The following BMPR1A variants were observed in gnomAD, a reference collection of about 807,000 sequenced individuals.
BMPR1A encodes the protein bone morphogenetic protein receptor type 1A.
In BMPR1A, 7 loss-of-function variants were observed where a neutral mutation model predicts 66.0. The observed-to-expected ratio is 0.11, with a 90% CI of 0.06 to 0.20. BMPR1A has a LOEUF of 0.20. Among genes scored for constraint, BMPR1A ranks in the 10% least tolerant of loss-of-function variants. BMPR1A has a pLI of 1.00. For missense variants in BMPR1A, 408 were observed against 669.1 expected, an observed-to-expected ratio of 0.61 and a Z score of 4.31; for synonymous variants, 200 against 229.7, an observed-to-expected ratio of 0.87 and a Z score of 1.17.
At chr10:86,845,842 A>G (rs1481196781) in intron 2 of BMPR1A, among the ~76,000 whole-genome samples, 1 of 151,884 alleles carries the variant, frequency 6.6e-6, no homozygotes, top group Non-Finnish European at 1.5e-5. Flanking sequence ...CTAAAAATAC[A>G]AAAAATTAGC....
At chr10:86,895,951 T>G (rs1195002690) in intron 5 of BMPR1A, among the ~76,000 whole-genome samples, 1 of 151,978 alleles carries the variant, frequency 6.6e-6, no homozygotes, top group Non-Finnish European at 1.5e-5. Context: ...GTCAGGAGTT[T>G]CAGACTAGCC....
At chr10:86,810,959 C>A (rs976106019) in intron 1 of BMPR1A, among the ~76,000 whole-genome samples, 1 of 152,200 alleles carries the variant, frequency 6.6e-6, no homozygotes, top group East Asian at 1.9e-4. Flanking sequence ...GTTGGTCGGG[C>A]GGGTCTTAAA....
At chr10:86,784,330 A>T (rs897966288) in intron 1 of BMPR1A, among the ~76,000 whole-genome samples, 1 of 152,040 alleles carries the variant, frequency 6.6e-6, no homozygotes, top group Non-Finnish European at 1.5e-5. Context: ...ATTTTGTCAG[A>T]TGCTTTTTCT....
At chr10:86,807,256 C>T (rs996854479) in intron 1 of BMPR1A, among the ~76,000 whole-genome samples, 3 of 152,186 alleles carry the variant, frequency 2.0e-5, no homozygotes, top group Non-Finnish European at 2.9e-5. Flanking sequence ...ACCAACCCCT[C>T]AGGATTTTTT....
rs1244877468 is a variant in BMPR1A, at chr10:86,875,941, T to C, written c.-78T>C. 2.5e-6 allele frequency: 3 copies of C among 1,202,828 alleles called. No homozygotes were observed. The highest frequency in any genetic ancestry group is 1.5e-5 in the African/African-American group (1 of 64,956). The allele number at this position is 1,202,828 out of a possible 1,614,324, so 74.5% of individuals were successfully genotyped here. ...TCTTTTACAAGAAAATCTCACTGAA[T>C]GATAGTCATTTAAATTGGTGAAGTA... On this transcript the variant is annotated 5_prime_UTR_variant, in exon 3 of 13. An upstream start codon of the reference 5' UTR is lost. Transcript: ENST00000372037.
At chr10:86,802,807 A>T (rs1042731409) in intron 1 of BMPR1A, among the ~76,000 whole-genome samples, 3 of 139,344 alleles carry the variant, frequency 2.2e-5, no homozygotes, top group Non-Finnish European at 4.6e-5. Context: ...AGACATGTTT[A>T]AAAAAAAAAA....
intron 1 of BMPR1A, among the ~76,000 whole-genome samples, chr10:86,822,163 T>C (rs561207998): frequency 6.6e-6 from 1 of 152,186 alleles, no homozygotes; most frequent in Non-Finnish European, 1.5e-5. Context: ...TTATTCATTA[T>C]TTAGGTCCAA....
At chr10:86,762,340 C>G (rs751423910) in intron 1 of BMPR1A, among the ~76,000 whole-genome samples, 2 of 152,120 alleles carry the variant, frequency 1.3e-5, no homozygotes, top group Non-Finnish European at 2.9e-5. Flanking sequence ...TAGCAAAGAG[C>G]CTAAAACAGC....
In BMPR1A at chr10:86,804,682, ACCACCAGTG is replaced by A. The variant is rs1328482083; in HGVS notation, c.-267-34182_-267-34174del. Among the ~76,000 whole-genome samples the A allele has an allele frequency of 4.1e-4, 62 of 151,852 alleles. No individual in the cohort carries two copies. The Middle Eastern group carries it at 0.01, about 26-fold the overall frequency. The stretch of plus-strand genomic sequence containing the variant: ...TGATTTCCTCAGTCTTTATTTTGTG[ACCACCAGTG>A]AATAACCCAAGTATTTGTGTTTTTA... On this transcript the variant is annotated intron_variant, in intron 1 of 12. Coordinates refer to ENST00000372037, the MANE Select transcript of BMPR1A (RefSeq NM_004329.3).
At chr10:86,865,761 A>T (rs577400072) in intron 2 of BMPR1A, among the ~76,000 whole-genome samples, 1 of 152,228 alleles carries the variant, frequency 6.6e-6, no homozygotes, top group African/African-American at 2.4e-5. Flanking sequence ...TGCATTTTCT[A>T]TCCTGGTCCC....
At chr10:86,918,612 CTTTCCTTTT>C (rs1489273331) in intron 9 of BMPR1A, among the ~76,000 whole-genome samples, 47 of 150,666 alleles carry the variant, frequency 3.1e-4, no homozygotes, top group African/African-American at 1.1e-3. Flanking sequence ...TTTTTCTTTT[CTTTCCTTTT>C]CTTTTCTTTT....
chr10:86,764,946 G>C (rs750118866), intron 1 of BMPR1A, among the ~76,000 whole-genome samples: 1 of 152,148 alleles, frequency 6.6e-6, no homozygotes, highest in Non-Finnish European at 1.5e-5. Flanking sequence ...GATTTTGGCC[G>C]GGCATGGTGG....
chr10:86,897,422 T>C (rs2133440832), intron 5 of BMPR1A, among the ~76,000 whole-genome samples: 1 of 152,310 alleles, frequency 6.6e-6, no homozygotes, highest in East Asian at 1.9e-4. Flanking sequence ...AGGCAGGTGT[T>C]GCTTATTCTT....
At chr10:86,814,862 T>G (rs925467764) in intron 1 of BMPR1A, among the ~76,000 whole-genome samples, 1 of 152,204 alleles carries the variant, frequency 6.6e-6, no homozygotes, top group African/African-American at 2.4e-5. Flanking sequence ...CTCGGCTCTC[T>G]ACAACCTCTG....
intron 2 of BMPR1A, among the ~76,000 whole-genome samples, chr10:86,844,150 T>C (rs1842456138): frequency 6.6e-6 from 1 of 152,188 alleles, no homozygotes; most frequent in African/African-American, 2.4e-5. Context: ...TTAATTTGTT[T>C]ATGTGCAACA....
At chr10:86,780,853 A>T (rs1589712620) in intron 1 of BMPR1A, among the ~76,000 whole-genome samples, 1 of 151,044 alleles carries the variant, frequency 6.6e-6, no homozygotes, top group Non-Finnish European at 1.5e-5. Context: ...TTGCCACATT[A>T]AAAAAGTAAA....
At chr10:86,773,674 G>T (rs77537633) in intron 1 of BMPR1A, among the ~76,000 whole-genome samples, 2,067 of 149,450 alleles carry the variant, frequency 0.014, 42 homozygotes, top group African/African-American at 0.048. Context: ...AAGCTAGAAA[G>T]AATGGAATCT....
chr10:86,887,631 C>T (rs1843084113), intron 3 of BMPR1A, among the ~76,000 whole-genome samples: 1 of 152,200 alleles, frequency 6.6e-6, no homozygotes, highest in Non-Finnish European at 1.5e-5. Flanking sequence ...GAACCCTTCA[C>T]TTCTTGCTGT....
chr10:86,866,402 T>TC (rs1842786638), intron 2 of BMPR1A, among the ~76,000 whole-genome samples: 3 of 96,364 alleles, frequency 3.1e-5, no homozygotes, highest in African/African-American at 1.6e-4. Context: ...TTTCTTTCTT[T>TC]TTTTTTTTTT....
Sources: allele counts gnomAD v4.1 joint callset (sites outside exome capture counted in the v4.1 genomes callset), GRCh38; gene constraint gnomAD v4.1.1; transcripts MANE v1.5; gene names NCBI Gene and HGNC (gene_info 2026-07-23, HGNC 2026-07-21).